The following P2RX1 variants were observed in gnomAD, a reference collection of about 807,000 sequenced individuals.
P2RX1 encodes P2X purinoceptor 1.
P2RX1 carries 42 observed loss-of-function variants against 50.3 expected under a neutral mutation model. The ratio of observed to expected loss-of-function variants is 0.83; its 90% CI spans 0.65 to 1.08. The LOEUF is 1.08. Among genes scored for constraint, P2RX1 ranks in the 50% least tolerant of loss-of-function variants. P2RX1 has a pLI of 0.00. For synonymous variants in P2RX1, 199 were observed against 202.6 expected (o/e 0.98, Z 0.15); for missense variants, 449 against 529.0 (o/e 0.85, Z 1.48).
chr17:3,898,044 T>A lies in P2RX1; in HGVS notation c.1099A>T (p.Lys367Ter), dbSNP rs751903873. 2.5e-6 allele frequency: 4 copies of A among 1,613,374 alleles called. No homozygotes were observed. In the South Asian group the frequency reaches 4.4e-5, roughly 18 times the overall value. Residue 367 changes from lysine (K) to a stop codon, truncating the protein, a stop_gained, in exon 11 of 12, where the codon AAG becomes TAG. Coordinates refer to ENST00000225538, the MANE Select transcript of P2RX1 (RefSeq NM_002558.4). LOFTEE classifies it high-confidence loss of function. ...CCCATGTCCTCAGCGTATTTGAACT[T>A]CTTCTGCTTGTAGTAGTGCCTCTTA... The part of the protein sequence containing the change: ...LPKRHYYKQK[K>*]FKYAEDMGPG...
In P2RX1 at chr17:3,903,411, C is replaced by G; in HGVS notation, c.606-68G>C. ...GGAGGGTGCCCACCACGCCCCAAAG[C>G]CTGGGGACCCCTCACAGGCTCCACA... On this transcript the variant is annotated intron_variant, in intron 6 of 11. Transcript: ENST00000225538. The surrounding 1 kb of genome is among the most constrained non-coding windows in gnomAD (Gnocchi z 4.6). The G allele has an allele frequency of 3.1e-6, 5 of 1,606,348 alleles. No individual in the cohort carries two copies. The highest frequency in any genetic ancestry group is 4.3e-6 in the Non-Finnish European group (5 of 1,175,226).
intron 1 of P2RX1, among the ~76,000 whole-genome samples, chr17:3,910,261 C>T (rs1166275540): frequency 2.0e-5 from 3 of 152,210 alleles, no homozygotes; most frequent in African/African-American, 7.2e-5. Context: ...AGGCATGAGC[C>T]ACTGTGCCCG....
chr17:3,906,427 G>A (rs569513856), intron 1 of P2RX1, among the ~76,000 whole-genome samples: 18 of 152,302 alleles, frequency 1.2e-4, no homozygotes, highest in Non-Finnish European at 2.4e-4. Context: ...CACCGCACCC[G>A]GCCAACAATG....
chr17:3,905,432 C>T, intron 1 of P2RX1, 65 bp from the exon 2 acceptor site: 1 of 1,575,700 alleles, frequency 6.3e-7, no homozygotes, highest in Non-Finnish European at 8.7e-7. Flanking sequence ...CACACGCTTT[C>T]CCACGCCCTC....
intron 11 of P2RX1, 30 bp downstream of exon 11, chr17:3,897,979 C>T (rs202003813): frequency 2.8e-5 from 45 of 1,612,084 alleles, no homozygotes; most frequent in Admixed American, 1.3e-4. Flanking sequence ...CGGAGGCCTT[C>T]GAAGGGCCTG....
At chr17:3,912,923 G>T (rs2056389501) in intron 1 of P2RX1, among the ~76,000 whole-genome samples, 1 of 152,102 alleles carries the variant, frequency 6.6e-6, no homozygotes, top group South Asian at 2.1e-4. Flanking sequence ...GATGAGTGAG[G>T]ACTTAGTTGA....
rs974419773 is a variant in P2RX1 at position 3,914,986 on chromosome 17, G to A, written c.137+1103C>T. Among the ~76,000 whole-genome samples, 9 of 152,082 alleles carry A rather than the reference G, an allele frequency of 5.9e-5. No homozygotes were observed. Among genetic ancestry groups the A allele is most frequent in the Admixed American group, 1.3e-4 (2 of 15,270 alleles). On this transcript the variant is annotated intron_variant, in intron 1 of 11. Coordinates refer to ENST00000225538, the MANE Select transcript of P2RX1 (RefSeq NM_002558.4). This position sits in a 1 kb window ranked among gnomAD's most constrained non-coding sequence, Gnocchi z 4.1. Reference sequence around the variant, plus strand: ...GCTCTTTTGGACGCCAGAAGTTTCCGGGGGACTAGGACTTCATGGTCCTTG... The same window carrying A: ...GCTCTTTTGGACGCCAGAAGTTTCCAGGGGACTAGGACTTCATGGTCCTTG...
At chr17:3,915,727 T>C (rs1458275699) in intron 1 of P2RX1, 1 of 481,436 alleles carries the variant, frequency 2.1e-6, no homozygotes, top group Non-Finnish European at 4.1e-6. Context: ...TGTGTGTCAG[T>C]GGCGGCCTGG....
chr17:3,902,838 A>G (rs943787704), intron 7 of P2RX1, among the ~76,000 whole-genome samples: 1 of 150,576 alleles, frequency 6.6e-6, no homozygotes, highest in Non-Finnish European at 1.5e-5. Context: ...CAAACTCCTG[A>G]CCTCAAGTGA....
intron 1 of P2RX1, among the ~76,000 whole-genome samples, chr17:3,905,847 CAAAAAAAAA>C (rs60059213): frequency 9.7e-6 from 1 of 103,232 alleles, no homozygotes; most frequent in Non-Finnish European, 2.1e-5. Flanking sequence ...AATTCTGTCT[CAAAAAAAAA>C]AAAAAAAAAA....
rs747018312 is a variant in P2RX1, at chr17:3,897,841, G to T, written c.1173C>A (p.Gly391=). 6.2e-7 allele frequency: 1 copy of T among 1,613,494 alleles called. No homozygotes were observed. Among genetic ancestry groups the T allele is most frequent in the Non-Finnish European group, 8.5e-7 (1 of 1,180,014 alleles). The change falls in exon 12 of 12, where the codon GGC becomes GGA. Residue 391 remains glycine (G), a synonymous_variant. Transcript: ENST00000225538. Reference sequence around the variant, plus strand: ...AGGATGTCCTCATGTTCTCCTGCAGGCCCAGGGTGGAGCTGGTAGCTGCGA... The same window carrying T: ...AGGATGTCCTCATGTTCTCCTGCAGTCCCAGGGTGGAGCTGGTAGCTGCGA... ...RDLAATSSTL[G]LQENMRTS
Position 3,905,355 on chromosome 17 carries a change from G to C in P2RX1, c.150C>G (p.Leu50=), listed in dbSNP as rs2056243906. ...TCGAGGTCTGGTAGCCCTTCTCATA[G>C]AGAAACACCCACCTGTGCGGGTGGG... The part of the protein sequence containing the change: ...VLVYVIGWVF[L]YEKGYQTSSG... Residue 50 remains leucine (L), a synonymous_variant, in exon 2 of 12, where the codon CTC becomes CTG. Transcript: ENST00000225538. The C allele has an allele frequency of 2.5e-6, 4 of 1,613,768 alleles. No homozygotes were observed. Among genetic ancestry groups the C allele is most frequent in the East Asian group, 4.5e-5 (2 of 44,878 alleles).
intron 1 of P2RX1, 42 bp from the exon 2 acceptor site, chr17:3,905,409 C>A: frequency 6.2e-7 from 1 of 1,610,226 alleles, no homozygotes; most frequent in South Asian, 1.1e-5. Flanking sequence ...GTTGTGGCAC[C>A]AGCTGGACCT....
chr17:3,903,734 G>A lies in P2RX1; in HGVS notation c.525-103C>T, dbSNP rs1251157589. 27 of 1,312,550 alleles carry A rather than the reference G, an allele frequency of 2.1e-5. No homozygotes were observed. Among genetic ancestry groups the A allele is most frequent in the East Asian group, 9.3e-5 (4 of 42,940 alleles). 81.3% of individuals were successfully genotyped at this position (1,312,550 alleles called of 1,614,324 possible). A position where few individuals can be genotyped will look rare whatever the true frequency, so the allele number is the denominator to read the frequency against. ...GGGGTGGGCCGAGCCTCCGGGACCC[G>A]CCTGCAGCCCTGGGCTGGTGGAGGG... On this transcript the variant is annotated intron_variant, in intron 5 of 11. Coordinates refer to ENST00000225538, the MANE Select transcript of P2RX1 (RefSeq NM_002558.4). The surrounding 1 kb of genome is among the most constrained non-coding windows in gnomAD (Gnocchi z 4.6).
chr17:3,910,373 G>A (rs12451483), intron 1 of P2RX1, among the ~76,000 whole-genome samples: 43,352 of 152,088 alleles, frequency 0.29, 6,886 homozygotes, highest in East Asian at 0.47. Context: ...TTGTTCCCCT[G>A]TGTCCTCGTC....
chr17:3,906,524 A>G (rs2056267524), intron 1 of P2RX1, among the ~76,000 whole-genome samples: 1 of 152,242 alleles, frequency 6.6e-6, no homozygotes, highest in Non-Finnish European at 1.5e-5. Context: ...CAGTATAGAC[A>G]TTAGTTGTTA....
At chr17:3,904,059 TAAAC>T in intron 4 of P2RX1, 35 bp from the exon 5 acceptor site, 1 of 1,560,960 alleles carries the variant, frequency 6.4e-7, no homozygotes, top group South Asian at 1.1e-5. Flanking sequence ...GTGCCTGCAC[TAAAC>T]AGAGGAGGCC....
rs763021569 is a variant in P2RX1, at chr17:3,903,674, C to A, written c.525-43G>T. 1 of 1,588,042 alleles carries A rather than the reference C, an allele frequency of 6.3e-7. No homozygotes were observed. The highest frequency in any genetic ancestry group is 8.6e-7 in the Non-Finnish European group (1 of 1,157,376). ...CACTCACCGCCCCTCCCCAGGAGGC[C>A]CCCTGTGTGTCCCACACAGAGCTTG... On this transcript the variant is annotated intron_variant, in intron 5 of 11. Coordinates refer to ENST00000225538, the MANE Select transcript of P2RX1 (RefSeq NM_002558.4). The surrounding 1 kb of genome is among the most constrained non-coding windows in gnomAD (Gnocchi z 4.6).
At chr17:3,907,289 A>ATG in intron 1 of P2RX1, among the ~76,000 whole-genome samples, 1 of 43,500 alleles carries the variant, frequency 2.3e-5, no homozygotes, top group South Asian at 1.2e-3. Context: ...ATTCAGGGTA[A>ATG]CGTGTGTGTG....
Sources: allele counts gnomAD v4.1 joint callset (sites outside exome capture counted in the v4.1 genomes callset), GRCh38; gene constraint gnomAD v4.1.1; non-coding constraint Gnocchi (gnomAD v3.1); transcripts MANE v1.5; gene names NCBI Gene and HGNC (gene_info 2026-07-23, HGNC 2026-07-21).